Variants in MMS19 observed in about 807,000 individuals in gnomAD.
MMS19 encodes the protein MMS19 nucleotide excision repair protein homolog.
A neutral mutation model predicts 129.8 loss-of-function variants in MMS19; 77 were observed. That is an observed-to-expected ratio of 0.59 (90% CI 0.49 to 0.72). The LOEUF (loss-of-function observed/expected upper bound fraction) is 0.72, where lower values mean the gene tolerates loss of function less well. MMS19 is among the 30% of genes least tolerant of loss of function. MMS19 has a pLI of 0.00. For synonymous variants in MMS19, 491 were observed against 502.8 expected (o/e 0.98, Z 0.31); for missense variants, 1,168 against 1,266.3 (o/e 0.92, Z 1.18).
At chr10:97,468,619 GT>G (rs971534683) in intron 12 of MMS19, among the ~76,000 whole-genome samples, 11 of 148,428 alleles carry the variant, frequency 7.4e-5, no homozygotes, top group East Asian at 5.9e-4. Flanking sequence ...AATGTCATTT[GT>G]TTTTTTTTTA....
intron 1 of MMS19, among the ~76,000 whole-genome samples, chr10:97,485,938 T>C (rs1389726044): frequency 6.6e-6 from 1 of 152,144 alleles, no homozygotes; most frequent in African/African-American, 2.4e-5. Flanking sequence ...AAATTAAAAA[T>C]AGAACTACTA....
At chr10:97,468,553 C>T in intron 12 of MMS19, 147 bp from the exon 13 acceptor site, 2 of 724,940 alleles carry the variant, frequency 2.8e-6, no homozygotes, top group Non-Finnish European at 4.2e-6. Flanking sequence ...AGGGCTATCG[C>T]CCCCAAATCA....
chr10:97,459,311 C>G, intron 28 of MMS19, 29 bp from the exon 29 acceptor site: 1 of 1,612,626 alleles, frequency 6.2e-7, no homozygotes, highest in Non-Finnish European at 8.5e-7. Context: ...GAGGTGAGAG[C>G]ATGCCCAGGG....
intron 1 of MMS19, among the ~76,000 whole-genome samples, chr10:97,494,052 T>A (rs936076093): frequency 6.6e-6 from 1 of 152,114 alleles, no homozygotes. Context: ...AACACACCCG[T>A]AATACCTGGA....
At chr10:97,480,575 T>C (rs982726297) in intron 3 of MMS19, among the ~76,000 whole-genome samples, 1 of 152,212 alleles carries the variant, frequency 6.6e-6, no homozygotes, top group African/African-American at 2.4e-5. Context: ...AGGCTACATT[T>C]GAAATCCATG....
intron 8 of MMS19, among the ~76,000 whole-genome samples, chr10:97,474,739 G>C (rs2035426065): frequency 6.6e-6 from 1 of 152,256 alleles, no homozygotes; most frequent in African/African-American, 2.4e-5. Context: ...TTGAATGAGA[G>C]AAATCTTCCT....
intron 1 of MMS19, among the ~76,000 whole-genome samples, chr10:97,489,385 C>G (rs1202044815): frequency 1.3e-5 from 2 of 152,108 alleles, no homozygotes; most frequent in African/African-American, 2.4e-5. Flanking sequence ...GAGAGGTAGA[C>G]TATTGTTTTA....
chr10:97,461,884 C>T lies in MMS19; in HGVS notation c.2128G>A (p.Gly710Arg). 6.2e-7 allele frequency: 1 copy of T among 1,605,954 alleles called. No individual in the cohort carries two copies. Residue 710 changes from glycine to arginine, a missense_variant, in exon 22 of 31, where the codon GGG becomes AGG. Gly to Arg is a moderately radical substitution (Grantham distance 125, BLOSUM62 -2). Around this residue, in one of 3 missense-constraint regions of MMS19, gnomAD observed 831 missense variants for 910.8 expected, o/e 0.91. Transcript: ENST00000438925. ...RFQPFQDGSS[G>R]QRRLIALLMA... Reference sequence around the variant, plus strand: ...AGCAGTGCAATCAGCCGCCTCTGCCCTGAGGAGCCATCCTATAAAGGAAGG... The same window carrying T: ...AGCAGTGCAATCAGCCGCCTCTGCCTTGAGGAGCCATCCTATAAAGGAAGG...
Position 97,459,420 on chromosome 10 carries a change from CT to C in MMS19, c.2845del (p.Ser949ValfsTer12). On this transcript the variant is annotated frameshift_variant, in exon 28 of 31. Transcript: ENST00000438925. LOFTEE classifies it high-confidence loss of function. ...GGTGACGAGGGTGTCCACGTGAAGA[CT>C]CATGACTTGGGGTGCTTCCAGTAGA... ...PLLLEAPQVM[S>X]LHVDTLVTKF... 1 of 1,608,604 alleles carries C rather than the reference CT, an allele frequency of 6.2e-7. No homozygotes were observed. The highest frequency in any genetic ancestry group is 8.5e-7 in the Non-Finnish European group (1 of 1,177,516).
Position 97,468,258 on chromosome 10 carries a change from G to C in MMS19, c.1212C>G (p.His404Gln), listed in dbSNP as rs1263786295. ...LPLLLEQFHK[H>Q]SQSSQRRTIL... ...AAAGATTCTGCTCCCTTACCTGACT[G>C]TGCTTGTGGAACTGTTCCAGCAGTA... Residue 404 changes from histidine (H) to glutamine (Q), a missense_variant, in exon 13 of 31, where the codon CAC becomes CAG. His to Gln is a conservative substitution (Grantham distance 24). This residue lies in a region of MMS19 where 831 missense variants were observed against 910.8 expected (regional missense o/e 0.91). Transcript: ENST00000438925. 10 of 1,578,258 alleles carry C rather than the reference G, an allele frequency of 6.3e-6. No individual in the cohort carries two copies. The Admixed American group carries it at 1.6e-4, about 25-fold the overall frequency.
At chr10:97,486,889 A>ATATATATATATATATATATG in intron 1 of MMS19, among the ~76,000 whole-genome samples, 1 of 126,824 alleles carries the variant, frequency 7.9e-6, no homozygotes, top group South Asian at 2.6e-4. Context: ...ATATATATAT[A>ATATATATATATATATATATG]TATATAAAAT....
intron 18 of MMS19, among the ~76,000 whole-genome samples, chr10:97,464,947 A>G (rs980956735): frequency 2.0e-5 from 3 of 152,038 alleles, no homozygotes; most frequent in African/African-American, 7.2e-5. Flanking sequence ...CAAGTGATCC[A>G]TCAGCCTTGG....
chr10:97,481,078 C>G, intron 2 of MMS19, 36 bp from the exon 3 acceptor site: 2 of 1,242,114 alleles, frequency 1.6e-6, no homozygotes, highest in Non-Finnish European at 2.3e-6. Flanking sequence ...CCTGCAATTA[C>G]CCAGTTCAAA....
chr10:97,498,330 G>T lies in MMS19; in HGVS notation c.55C>A (p.Leu19Ile). 6.4e-7 allele frequency: 1 copy of T among 1,574,024 alleles called. No individual in the cohort carries two copies. Among genetic ancestry groups the T allele is most frequent in the South Asian group, 1.1e-5 (1 of 87,440 alleles). The change falls in exon 1 of 31, where the codon CTC (leucine) becomes ATC (isoleucine). Residue 19 changes from leucine to isoleucine, a missense_variant. Physicochemically the swap from Leu to Ile is conservative, Grantham distance 5. Transcript: ENST00000438925. ...AAAPMGALWG[L>I]VHDFVVGQQE... is the part of the protein sequence containing the mutation. ...TGACCCACGACGAAGTCGTGCACGA[G>T]GCCCCATAGGGCACCCATAGGCGCC...
chr10:97,485,887 T>G (rs2037761937), intron 1 of MMS19, among the ~76,000 whole-genome samples: 4 of 152,194 alleles, frequency 2.6e-5, no homozygotes, highest in Admixed American at 2.6e-4. Context: ...GAATGTAAAT[T>G]AGTACAGCCA....
chr10:97,484,683 C>T (rs963306640), intron 1 of MMS19, among the ~76,000 whole-genome samples: 1 of 152,068 alleles, frequency 6.6e-6, no homozygotes, highest in East Asian at 1.9e-4. Flanking sequence ...CTTTGGGAGG[C>T]GAGGTGGGCA....
At position 97,478,251 on chromosome 10, in the gene MMS19, T is replaced by C. The variant is rs1346653154; in HGVS notation, c.348+53A>G. The C allele has an allele frequency of 4.9e-6, 7 of 1,434,184 alleles. No individual in the cohort carries two copies. The African/African-American group carries it at 7.1e-5, about 14-fold the overall frequency. The allele number at this position is 1,434,184 out of a possible 1,614,324, so 88.8% of individuals were successfully genotyped here. On this transcript the variant is annotated intron_variant, in intron 4 of 30. Coordinates refer to ENST00000438925, the MANE Select transcript of MMS19 (RefSeq NM_022362.5). ...CACACCCAAAGCGCAAGGAGAGAAC[T>C]AGACAAGGGCTCCCTTGAACAAAGT... is the stretch of plus-strand genomic sequence containing the variant.
Position 97,466,508 on chromosome 10 carries a change from T to C in MMS19, c.1501A>G (p.Ser501Gly). ...CTCATTGCTTTAAATTCTCACCAAC[T>C]CTGGGAATCCTCCTTCAGGAAGCTC... The part of the protein sequence containing the change: ...RLSFLKEDSQ[S>G]CRVAALEASG... Residue 501 changes from serine to glycine, a missense_variant, in exon 16 of 31, where the codon AGT becomes GGT. This residue lies in a region of MMS19 where 831 missense variants were observed against 910.8 expected (regional missense o/e 0.91). Transcript: ENST00000438925. 2 of 1,612,622 alleles carry C rather than the reference T, an allele frequency of 1.2e-6. No individual in the cohort carries two copies. The highest frequency in any genetic ancestry group is 1.7e-6 in the Non-Finnish European group (2 of 1,178,654).
At chr10:97,485,128 T>A (rs1469322111) in intron 1 of MMS19, among the ~76,000 whole-genome samples, 1 of 151,984 alleles carries the variant, frequency 6.6e-6, no homozygotes, top group African/African-American at 2.4e-5. Context: ...AACTTTATTT[T>A]ATTTATTTAT....
Sources: allele counts gnomAD v4.1 joint callset (sites outside exome capture counted in the v4.1 genomes callset), GRCh38; gene constraint gnomAD v4.1.1; regional missense constraint gnomAD v4.1.1; transcripts MANE v1.5; gene names NCBI Gene and HGNC (gene_info 2026-07-23, HGNC 2026-07-21).